The following CYP11B1 variants were observed in gnomAD, a reference collection of about 807,000 sequenced individuals.
The protein encoded by CYP11B1 is cytochrome P450 11B1, mitochondrial.
A neutral mutation model predicts 48.3 loss-of-function variants in CYP11B1; 34 were observed. That is an observed-to-expected ratio of 0.70 (90% CI 0.54 to 0.94). CYP11B1 has a LOEUF of 0.94. CYP11B1 is among the 40% of genes least tolerant of loss of function. The pLI is 0.00. For synonymous variants in CYP11B1, 291 were observed against 262.5 expected (o/e 1.11, Z -1.05); for missense variants, 688 against 657.4 (o/e 1.05, Z -0.51).
chr8:142,877,080 C>A lies in CYP11B1; in HGVS notation c.538G>T (p.Ala180Ser). The A allele has an allele frequency of 2.5e-6, 4 of 1,613,860 alleles. No individual in the cohort carries two copies. The highest frequency in any genetic ancestry group is 2.5e-6 in the Non-Finnish European group (3 of 1,179,946). The change falls in exon 3 of 9, where the codon GCC becomes TCC. Residue 180 changes from alanine to serine, a missense_variant. By Grantham distance (99) the Ala-to-Ser change is moderately conservative. Coordinates refer to ENST00000292427, the MANE Select transcript of CYP11B1 (RefSeq NM_000497.4). ...ACGTCCAGGGTCAGGCTCCCCCGGG[C>A]GTTCTGCAGCACCTTCTTCTTCAGG... ...QALKKKVLQNARGSLTLDVQP... is the reference protein window; with the variant it reads ...QALKKKVLQNSRGSLTLDVQP...
Position 142,874,829 on chromosome 8 carries a change from C to A in CYP11B1, c.1398+128G>T, listed in dbSNP as rs536402153. 160 of 1,201,362 alleles carry A rather than the reference C, an allele frequency of 1.3e-4. No homozygotes were observed. In the East Asian group the frequency reaches 4.0e-3, roughly 30 times the overall value. 74.4% of individuals were successfully genotyped at this position (1,201,362 alleles called of 1,614,324 possible). A position where few individuals can be genotyped will look rare whatever the true frequency, so the allele number is the denominator to read the frequency against. On this transcript the variant is annotated intron_variant, in intron 8 of 8. Coordinates refer to ENST00000292427, the MANE Select transcript of CYP11B1 (RefSeq NM_000497.4). ...CAACCTGGCCCAGGTTCTCCCAGTA[C>A]CGGCTCTGCCCAGTCCAGGAAACAT...
At chr8:142,876,024 A>G (rs1816935687) in intron 5 of CYP11B1, 146 bp from the exon 6 acceptor site, 1 of 1,171,028 alleles carries the variant, frequency 8.5e-7, no homozygotes, top group Admixed American at 2.1e-5. Context: ...CCTAATGCCC[A>G]TCCAAACCCC....
At chr8:142,877,659 C>G in intron 2 of CYP11B1, 1 of 1,330,004 alleles carries the variant, frequency 7.5e-7, no homozygotes, top group Non-Finnish European at 1.0e-6. Context: ...CCGCCCTTCC[C>G]TGCCCTGGGC....
rs761812924 is a variant in CYP11B1 at position 142,876,776 on chromosome 8, G to C, written c.705C>G (p.Val235=). 9 of 1,614,150 alleles carry C rather than the reference G, an allele frequency of 5.6e-6. No homozygotes were observed. The highest frequency in any genetic ancestry group is 7.6e-6 in the Non-Finnish European group (9 of 1,180,010). ...HALEVMFKST[V]QLMFMPRSLS... ...GGCTCCTGGGCATGAACATGAGCTG[G>C]ACGGTGGATTTGAACATGACCTCCA... Residue 235 remains valine (V), a synonymous_variant, in exon 4 of 9, where the codon GTC becomes GTG. Transcript: ENST00000292427.
chr8:142,876,341 T>C lies in CYP11B1; in HGVS notation c.854A>G (p.Gln285Arg), dbSNP rs1189895191. The change falls in exon 5 of 9, where the codon CAG becomes CGG. Residue 285 changes from glutamine (Q) to arginine (R), a missense_variant. Transcript: ENST00000292427. ...YQELAFSRPQ[Q>R]YTSIVAELLL... is the part of the protein sequence containing the mutation. ...GAGCTCCGCCACGATGCTGGTGTAC[T>C]GTTGAGGGCGGCTGAAGGCCAGTTC... 1.2e-6 allele frequency: 2 copies of C among 1,614,080 alleles called. No individual in the cohort carries two copies. The highest frequency in any genetic ancestry group is 1.7e-6 in the Non-Finnish European group (2 of 1,180,026).
At position 142,876,864 on chromosome 8, in the gene CYP11B1, C is replaced by A. The variant is rs1255308813; in HGVS notation, c.617G>T (p.Gly206Val). ...TIEASNLALF[G>V]ERLGLVGHSP... ...GTGGCCAACCAGGCCCAGCCGCTCTCCAAAAAGAGCCAAGTTGCTGGCTGC... is the reference window on the plus strand; with the variant it reads ...GTGGCCAACCAGGCCCAGCCGCTCTACAAAAAGAGCCAAGTTGCTGGCTGC... The change falls in exon 4 of 9, where the codon GGA (glycine) becomes GTA (valine). Residue 206 changes from glycine (G) to valine (V), a missense_variant. Transcript: ENST00000292427. The A allele has an allele frequency of 6.2e-7, 1 of 1,614,178 alleles. No individual in the cohort carries two copies. The highest frequency in any genetic ancestry group is 8.5e-7 in the Non-Finnish European group (1 of 1,180,024).
Position 142,879,194 on chromosome 8 carries a change from G to A in CYP11B1, c.240-7C>T, listed in dbSNP as rs2130284769. 2 of 1,613,960 alleles carry A rather than the reference G, an allele frequency of 1.2e-6. No individual in the cohort carries two copies. Among genetic ancestry groups the A allele is most frequent in the Non-Finnish European group, 1.7e-6 (2 of 1,179,990 alleles). ...TGCTCCTCCCAAGTCGTACCTGTGG[G>A]GCCAAGCACGAGGCCGTGCTGGATG... On this transcript the variant is annotated splice_polypyrimidine_tract_variant and splice_region_variant and intron_variant, in intron 1 of 8. Transcript: ENST00000292427.
At chr8:142,875,406 C>T (rs760515896) in intron 6 of CYP11B1, 94 bp from the exon 7 acceptor site, 120 of 1,399,790 alleles carry the variant, frequency 8.6e-5, no homozygotes, top group Non-Finnish European at 1.1e-4. Context: ...GCAGAGGTCC[C>T]AGATCCATGG....
chr8:142,878,401 T>C lies in CYP11B1; in HGVS notation c.395+631A>G, dbSNP rs377613222. Among the ~76,000 whole-genome samples the C allele has an allele frequency of 2.8e-3, 409 of 144,994 alleles. 1 individual carries two copies. Among genetic ancestry groups the C allele is most frequent in the African/African-American group, 8.1e-3 (328 of 40,358 alleles). On this transcript the variant is annotated intron_variant, in intron 2 of 8. Transcript: ENST00000292427. Reference sequence around the variant, plus strand: ...TAATGACAACATTCCTGCAGGTGACTGACTCCAAGCATCAGCCTCTCCCTG... The same window carrying C: ...TAATGACAACATTCCTGCAGGTGACCGACTCCAAGCATCAGCCTCTCCCTG...
intron 5 of CYP11B1, 153 bp downstream of exon 5, chr8:142,876,088 C>A: frequency 1.6e-6 from 2 of 1,243,712 alleles, no homozygotes; most frequent in Admixed American, 2.0e-5. Flanking sequence ...TGGCAACCTG[C>A]AAACGTGTTT....
intron 1 of CYP11B1, 168 bp from the exon 2 acceptor site, chr8:142,879,355 T>C: frequency 6.2e-7 from 1 of 1,607,818 alleles, no homozygotes; most frequent in Non-Finnish European, 8.5e-7. Context: ...CTTCAGTGCC[T>C]CTGAGTCCTG....
chr8:142,876,207 A>G, intron 5 of CYP11B1, 34 bp downstream of exon 5: 1 of 1,613,732 alleles, frequency 6.2e-7, no homozygotes, highest in Non-Finnish European at 8.5e-7. Flanking sequence ...GCTTGGCATC[A>G]CCCTCTCTGG....
chr8:142,874,007 C>T lies in CYP11B1; in HGVS notation c.*366G>A. On this transcript the variant is annotated 3_prime_UTR_variant, in exon 9 of 9. Coordinates refer to ENST00000292427, the MANE Select transcript of CYP11B1 (RefSeq NM_000497.4). Reference sequence around the variant, plus strand: ...CTGGCCAGGGGAAGAGGAACAGGGACATGTGAGACTAGGCAGGAAGGCAAG... The same window carrying T: ...CTGGCCAGGGGAAGAGGAACAGGGATATGTGAGACTAGGCAGGAAGGCAAG... 2.8e-6 allele frequency: 1 copy of T among 362,324 alleles called. No homozygotes were observed. The highest frequency in any genetic ancestry group is 2.5e-5 in the South Asian group (1 of 40,536). The allele number at this position is 362,324 out of a possible 1,614,324, so 22.4% of individuals were successfully genotyped here. A position where few individuals can be genotyped will look rare whatever the true frequency, so the allele number is the denominator to read the frequency against.
At position 142,875,809 on chromosome 8, in the gene CYP11B1, G is replaced by A. The variant is rs1043525925; in HGVS notation, c.1024C>T (p.Gln342Ter). 6.2e-7 allele frequency: 1 copy of A among 1,614,082 alleles called. No homozygotes were observed. Among genetic ancestry groups the A allele is most frequent in the Non-Finnish European group, 8.5e-7 (1 of 1,180,006 alleles). The change falls in exon 6 of 9, where the codon CAG (glutamine) becomes TAG (stop). Residue 342 changes from glutamine (Q) to a stop codon, truncating the protein, a stop_gained. Coordinates refer to ENST00000292427, the MANE Select transcript of CYP11B1 (RefSeq NM_000497.4). LOFTEE classifies it high-confidence loss of function. ...RNPNVQQALR[Q>*]ESLAAAASIS... ...CTGGCTGCGGCGGCCAGGCTCTCCTGGCGCAGGGCCTGCTGCACGTTGGGG... is the reference window on the plus strand; with the variant it reads ...CTGGCTGCGGCGGCCAGGCTCTCCTAGCGCAGGGCCTGCTGCACGTTGGGG...
rs202053407 is a variant in CYP11B1 at position 142,877,137 on chromosome 8, C to A, written c.481G>T (p.Val161Leu). The A allele has an allele frequency of 6.4e-5, 103 of 1,614,186 alleles. No individual in the cohort carries two copies. The highest frequency in any genetic ancestry group is 8.1e-5 in the Non-Finnish European group (95 of 1,180,022). ...GAGAAGTCCCTGGCCACTGCATCCACCATCGGGAGGAACCTCTGCACAGCG... is the reference window on the plus strand; with the variant it reads ...GAGAAGTCCCTGGCCACTGCATCCAACATCGGGAGGAACCTCTGCACAGCG... ...PNAVQRFLPM[V>L]DAVARDFSQA... The change falls in exon 3 of 9, where the codon GTG becomes TTG. Residue 161 changes from valine (V) to leucine (L), a missense_variant. Physicochemically the swap from Val to Leu is conservative, Grantham distance 32. Coordinates refer to ENST00000292427, the MANE Select transcript of CYP11B1 (RefSeq NM_000497.4).
chr8:142,873,958 ACT>A lies in CYP11B1; in HGVS notation c.*413_*414del. On this transcript the variant is annotated 3_prime_UTR_variant, in exon 9 of 9. Coordinates refer to ENST00000292427, the MANE Select transcript of CYP11B1 (RefSeq NM_000497.4). ...TGAGATGCTGGGATCCCGCTTAATG[ACT>A]CTGACAGTCTGCGCAGGGGCCCTGG... 1 of 288,860 alleles carries A rather than the reference ACT, an allele frequency of 3.5e-6. No homozygotes were observed. Among genetic ancestry groups the A allele is most frequent in the Non-Finnish European group, 6.8e-6 (1 of 146,342 alleles). 17.9% of individuals were successfully genotyped at this position (288,860 alleles called of 1,614,324 possible).
chr8:142,876,611 T>G, intron 4 of CYP11B1, 71 bp downstream of exon 4: 2 of 1,565,002 alleles, frequency 1.3e-6, no homozygotes, highest in Non-Finnish European at 1.7e-6. Context: ...CCCCACTGGG[T>G]GGTGGAGAGG....
chr8:142,874,539 G>C, intron 8 of CYP11B1, 53 bp from the exon 9 acceptor site: 1 of 1,241,844 alleles, frequency 8.1e-7, no homozygotes, highest in Non-Finnish European at 1.2e-6. Context: ...CATGCACGTG[G>C]TGCAGCCTTC....
Position 142,872,452 on chromosome 8 carries a change from G to A in CYP11B1, c.*1921C>T, listed in dbSNP as rs540018274. On this transcript the variant is annotated 3_prime_UTR_variant, in exon 9 of 9. Transcript: ENST00000292427. ...TTCTTCTTTCCTGTTTCTCCTTTCTGGAATGGGAATGTTTATCCTATGCCT... is the reference window on the plus strand; with the variant it reads ...TTCTTCTTTCCTGTTTCTCCTTTCTAGAATGGGAATGTTTATCCTATGCCT... 3.3e-5 allele frequency: 5 copies of A among 152,328 alleles called. No homozygotes were observed. The South Asian group carries it at 1.0e-3, about 32-fold the overall frequency. 9.4% of individuals were successfully genotyped at this position (152,328 alleles called of 1,614,324 possible). A position where few individuals can be genotyped will look rare whatever the true frequency, so the allele number is the denominator to read the frequency against.
Sources: gnomAD v4.1 joint callset for allele counts (sites outside exome capture counted in the v4.1 genomes callset) on GRCh38, gnomAD v4.1.1 for gene constraint, MANE v1.5 for transcripts, NCBI Gene and HGNC (gene_info 2026-07-23, HGNC 2026-07-21) for gene names.